Variants in HECTD4 observed in about 807,000 individuals in gnomAD.
The protein encoded by HECTD4 is probable E3 ubiquitin-protein ligase HECTD4.
A neutral mutation model predicts 471.5 loss-of-function variants in HECTD4; 114 were observed. That is an observed-to-expected ratio of 0.24 (90% CI 0.21 to 0.28). The LOEUF is 0.28. Among genes scored for constraint, HECTD4 ranks in the 10% least tolerant of loss-of-function variants. HECTD4 has a pLI of 1.00. For synonymous variants in HECTD4, 2,012 were observed against 2,256.0 expected, an observed-to-expected ratio of 0.89 and a Z score of 3.07; for missense variants, 3,866 against 5,651.5, an observed-to-expected ratio of 0.68 and a Z score of 10.13.
intron 52 of HECTD4, 136 bp from the exon 53 acceptor site, chr12:112,204,759 A>G: frequency 1.4e-6 from 1 of 703,298 alleles, no homozygotes; most frequent in South Asian, 2.0e-5. Flanking sequence ...CCTTTGGCGA[A>G]GGAAATTGTG....
chr12:112,204,387 C>T, intron 53 of HECTD4, 99 bp downstream of exon 53: 1 of 1,172,364 alleles, frequency 8.5e-7, no homozygotes, highest in East Asian at 2.3e-5. Context: ...TAAGGAGAGT[C>T]ACCCTAGGAG....
chr12:112,211,132 A>C (rs1253902852), intron 49 of HECTD4, among the ~76,000 whole-genome samples: 1 of 152,152 alleles, frequency 6.6e-6, no homozygotes, highest in Non-Finnish European at 1.5e-5. Flanking sequence ...TGGGCGGATC[A>C]TGAGGTCAGG....
At chr12:112,282,545 CTAAT>C (rs906184399) in intron 8 of HECTD4, among the ~76,000 whole-genome samples, 1 of 151,936 alleles carries the variant, frequency 6.6e-6, no homozygotes, top group Non-Finnish European at 1.5e-5. Context: ...TAAATGAAAA[CTAAT>C]AAATATAGTT....
intron 44 of HECTD4, among the ~76,000 whole-genome samples, chr12:112,224,423 C>T (rs1181527479): frequency 6.6e-6 from 1 of 151,930 alleles, no homozygotes; most frequent in Non-Finnish European, 1.5e-5. Flanking sequence ...CCCGCCACCA[C>T]GCCTGGCTAA....
chr12:112,284,429 G>A (rs2034707181), intron 7 of HECTD4, among the ~76,000 whole-genome samples: 3 of 152,186 alleles, frequency 2.0e-5, no homozygotes, highest in African/African-American at 2.4e-5. Context: ...GAAGCAAAGG[G>A]AAAGCAAAAG....
chr12:112,241,029 T>TA (rs2033631303), intron 32 of HECTD4, among the ~76,000 whole-genome samples: 2 of 152,206 alleles, frequency 1.3e-5, no homozygotes. Flanking sequence ...GGGAATTTGT[T>TA]AAAGTTTCAA....
At chr12:112,325,813 G>GTT (rs112407518) in intron 1 of HECTD4, among the ~76,000 whole-genome samples, 4 of 143,144 alleles carry the variant, frequency 2.8e-5, no homozygotes, top group Admixed American at 7.0e-5. Context: ...TTTTGTTGCC[G>GTT]TTTTTTTTTT....
At chr12:112,348,237 T>C (rs2036192263) in intron 1 of HECTD4, among the ~76,000 whole-genome samples, 2 of 152,196 alleles carry the variant, frequency 1.3e-5, no homozygotes, top group South Asian at 4.1e-4. Flanking sequence ...GAGGAGCATA[T>C]ACTTTATCTG....
At chr12:112,281,776 T>C (rs1431836943) in intron 8 of HECTD4, among the ~76,000 whole-genome samples, 1 of 152,180 alleles carries the variant, frequency 6.6e-6, no homozygotes, top group Non-Finnish European at 1.5e-5. Context: ...TTTCCAACTA[T>C]AAAAATAAAG....
At chr12:112,355,718 C>G (rs186971472) in intron 1 of HECTD4, among the ~76,000 whole-genome samples, 1 of 151,794 alleles carries the variant, frequency 6.6e-6, no homozygotes, top group African/African-American at 2.4e-5. Context: ...GAGCGGAGGT[C>G]GCACCACTGC....
Position 112,239,876 on chromosome 12 carries a change from C to T in HECTD4, c.5105+5G>A. The T allele has an allele frequency of 6.2e-7, 1 of 1,610,122 alleles. No homozygotes were observed. The highest frequency in any genetic ancestry group is 8.5e-7 in the Non-Finnish European group (1 of 1,177,394). On this transcript the variant is annotated splice_donor_5th_base_variant and intron_variant, in intron 33 of 75. Transcript: ENST00000682272. This position sits in a 1 kb window ranked among gnomAD's most constrained non-coding sequence, Gnocchi z 4.9. ...ACATACAACAAAAGGCCTTTCCGTACTTACCTGGTGTAAGGTATGGTACAT... is the reference window on the plus strand; with the variant it reads ...ACATACAACAAAAGGCCTTTCCGTATTTACCTGGTGTAAGGTATGGTACAT...
intron 7 of HECTD4, among the ~76,000 whole-genome samples, chr12:112,301,029 T>C (rs7962502): frequency 0.21 from 32,004 of 150,804 alleles, 5,451 homozygotes; most frequent in East Asian, 0.85. Flanking sequence ...GGACTACAGG[T>C]GCCTGCCACC....
intron 1 of HECTD4, among the ~76,000 whole-genome samples, chr12:112,359,708 C>G (rs1036231112): frequency 6.6e-6 from 1 of 151,984 alleles, no homozygotes; most frequent in African/African-American, 2.4e-5. Context: ...CGTGAGCCAC[C>G]GCGCCTGGCC....
In HECTD4 at chr12:112,239,547, T is replaced by G. The variant is rs1441972709; in HGVS notation, c.5106-311A>C. ...CAATGAATGCTTGACATCTTCAAAT[T>G]AGTAACTAAGTGACCCAAGAGAGGA... On this transcript the variant is annotated intron_variant, in intron 33 of 75. Transcript: ENST00000682272. This position sits in a 1 kb window ranked among gnomAD's most constrained non-coding sequence, Gnocchi z 4.9. Among the ~76,000 whole-genome samples, 1 of 152,206 alleles carries G rather than the reference T, an allele frequency of 6.6e-6. No homozygotes were observed.
At chr12:112,376,741 C>T (rs1337837953) in intron 1 of HECTD4, among the ~76,000 whole-genome samples, 2 of 152,266 alleles carry the variant, frequency 1.3e-5, no homozygotes, top group African/African-American at 4.8e-5. Context: ...TGTTCTTTCC[C>T]ATATGGTATA....
intron 1 of HECTD4, among the ~76,000 whole-genome samples, chr12:112,365,772 G>GTTTTTTTTTTT (rs5800943): frequency 2.2e-5 from 2 of 91,968 alleles, no homozygotes; most frequent in African/African-American, 4.1e-5. Context: ...TTTTTTTTTT[G>GTTTTTTTTTTT]TTTTTTTTTT....
Position 112,204,479 on chromosome 12 carries a change from G to C in HECTD4, c.8269+7C>G. 1 of 1,610,688 alleles carries C rather than the reference G, an allele frequency of 6.2e-7. No individual in the cohort carries two copies. The highest frequency in any genetic ancestry group is 8.5e-7 in the Non-Finnish European group (1 of 1,178,650). ...TTTCATAGGTCGAGTAAGGAGGAAA[G>C]CAAAACCTTTTCGAACTTTATCAAT... On this transcript the variant is annotated splice_region_variant and intron_variant, in intron 53 of 75. Transcript: ENST00000682272.
intron 59 of HECTD4, 26 bp downstream of exon 59, chr12:112,192,531 CTCA>C: frequency 6.8e-7 from 1 of 1,468,198 alleles, no homozygotes; most frequent in East Asian, 2.4e-5. Context: ...TCCAGCTGTT[CTCA>C]TCATGACAAG....
chr12:112,361,864 AG>A (rs1457101706), intron 1 of HECTD4, among the ~76,000 whole-genome samples: 6 of 152,236 alleles, frequency 3.9e-5, no homozygotes, highest in Non-Finnish European at 7.3e-5. Context: ...TCTACAATAT[AG>A]TACTTTACAT....
Sources: gnomAD v4.1 joint callset for allele counts (sites outside exome capture counted in the v4.1 genomes callset) on GRCh38, gnomAD v4.1.1 for gene constraint, Gnocchi (gnomAD v3.1) non-coding constraint, MANE v1.5 for transcripts, NCBI Gene and HGNC (gene_info 2026-07-23, HGNC 2026-07-21) for gene names.